Variants in KCNQ2 observed in about 807,000 individuals in gnomAD.
KCNQ2 encodes potassium voltage-gated channel subfamily KQT member 2.
In KCNQ2, 14 loss-of-function variants were observed where a neutral mutation model predicts 84.8. The observed-to-expected ratio is 0.17, with a 90% CI of 0.11 to 0.26. The LOEUF is 0.26. KCNQ2 is among the 10% of genes least tolerant of loss of function. KCNQ2 has a pLI of 1.00. For synonymous variants in KCNQ2, 599 were observed against 554.1 expected, an observed-to-expected ratio of 1.08 and a Z score of -1.14; for missense variants, 788 against 1,254.0, an observed-to-expected ratio of 0.63 and a Z score of 5.61.
At chr20:63,461,902 G>C (rs1183934404) in intron 1 of KCNQ2, among the ~76,000 whole-genome samples, 2 of 138,956 alleles carry the variant, frequency 1.4e-5, no homozygotes, top group Non-Finnish European at 3.1e-5. Context: ...ACCTACCCCA[G>C]GGAGCAGGGA....
At chr20:63,420,286 C>T (rs1416273311) in intron 11 of KCNQ2, among the ~76,000 whole-genome samples, 2 of 152,208 alleles carry the variant, frequency 1.3e-5, no homozygotes, top group South Asian at 2.1e-4. Flanking sequence ...CCTTCAGGAG[C>T]GCAGCTCCCC....
chr20:63,413,407 C>G (rs2080183427), intron 15 of KCNQ2, 43 bp downstream of exon 15: 1 of 1,611,140 alleles, frequency 6.2e-7, no homozygotes, highest in Admixed American at 1.7e-5. Context: ...CAGAAGCCCA[C>G]CCCGTTCTTG....
chr20:63,409,637 C>A (rs892830388), intron 15 of KCNQ2, among the ~76,000 whole-genome samples: 2 of 152,240 alleles, frequency 1.3e-5, no homozygotes, highest in Non-Finnish European at 2.9e-5. Flanking sequence ...GCCACAAGCT[C>A]CCAAGTCTCC....
intron 1 of KCNQ2, among the ~76,000 whole-genome samples, chr20:63,453,173 G>A (rs2081664437): frequency 6.6e-6 from 1 of 152,146 alleles, no homozygotes; most frequent in Non-Finnish European, 1.5e-5. Flanking sequence ...GGGCACCCCA[G>A]GAGACACCAG....
chr20:63,455,256 C>T (rs566378674), intron 1 of KCNQ2, among the ~76,000 whole-genome samples: 2 of 152,330 alleles, frequency 1.3e-5, no homozygotes, highest in East Asian at 3.9e-4. Flanking sequence ...ACTTCCGGAG[C>T]TTCCCTGGCA....
chr20:63,405,859 T>C lies in KCNQ2; in HGVS notation c.*785A>G, dbSNP rs1486331600. On this transcript the variant is annotated 3_prime_UTR_variant, in exon 17 of 17. Transcript: ENST00000359125. ...AAGGACCCCCTTTTTGAAGACCCTT[T>C]GGAGCCGGCTCCCTGGCCCCACCGT... 1.3e-5 allele frequency: 2 copies of C among 152,232 alleles called. No homozygotes were observed. Among genetic ancestry groups the C allele is most frequent in the African/African-American group, 4.8e-5 (2 of 41,436 alleles). The allele number at this position is 152,232 out of a possible 1,614,324, so 9.4% of individuals were successfully genotyped here. A position where few individuals can be genotyped will look rare whatever the true frequency, so the allele number is the denominator to read the frequency against.
intron 1 of KCNQ2, among the ~76,000 whole-genome samples, chr20:63,461,531 G>A (rs2081946237): frequency 6.6e-6 from 1 of 152,218 alleles, no homozygotes; most frequent in Admixed American, 6.5e-5. Flanking sequence ...CCCACGAGGA[G>A]CCGCAACTGC....
At chr20:63,423,959 A>C in intron 11 of KCNQ2, 3 of 589,458 alleles carry the variant, frequency 5.1e-6, no homozygotes, top group Non-Finnish European at 9.4e-6. Flanking sequence ...ACAGTGCTGC[A>C]AAGTAAAACC....
At chr20:63,449,299 G>C (rs903892881) in intron 1 of KCNQ2, 1 of 152,306 alleles carries the variant, frequency 6.6e-6, no homozygotes, top group Non-Finnish European at 1.5e-5. Context: ...GCAAATAAAA[G>C]ACCATGACCT....
intron 1 of KCNQ2, among the ~76,000 whole-genome samples, chr20:63,448,738 G>A (rs1453025704): frequency 6.6e-6 from 1 of 152,164 alleles, no homozygotes; most frequent in Non-Finnish European, 1.5e-5. Flanking sequence ...CCGAGACTGG[G>A]CACAGGCACG....
rs1190299058 is a variant in KCNQ2 at position 63,428,397 on chromosome 20, T to C, written c.1187A>G (p.Asn396Ser). 5.0e-6 allele frequency: 8 copies of C among 1,585,184 alleles called. No homozygotes were observed. The highest frequency in any genetic ancestry group is 6.9e-6 in the Non-Finnish European group (8 of 1,166,136). ...PPLNQLELLR[N>S]LKSKSGLAFR... ...AGCGAGTCCAGATTTACTCTTGAGG[T>C]TCCTCAGCAGCTCCAGCTGGTTCAG... Residue 396 changes from asparagine (N) to serine (S), a missense_variant, in exon 10 of 17, where the codon AAC becomes AGC. Asn to Ser is a conservative substitution (Grantham distance 46). This residue lies in a region of KCNQ2 where 202 missense variants were observed against 239.4 expected (regional missense o/e 0.84). Coordinates refer to ENST00000359125, the MANE Select transcript of KCNQ2 (RefSeq NM_172107.4).
At chr20:63,462,758 G>A (rs1428873169) in intron 1 of KCNQ2, among the ~76,000 whole-genome samples, 4 of 152,188 alleles carry the variant, frequency 2.6e-5, no homozygotes, top group Non-Finnish European at 5.9e-5. Flanking sequence ...CTGCTTCAAG[G>A]TCCATCACTG....
intron 15 of KCNQ2, among the ~76,000 whole-genome samples, chr20:63,410,670 A>T (rs1027782062): frequency 3.3e-5 from 5 of 152,306 alleles, no homozygotes; most frequent in African/African-American, 1.2e-4. Context: ...CTCCGTTCTC[A>T]CGGGAGGAGC....
chr20:63,463,842 C>T (rs1217191325), intron 1 of KCNQ2: 1 of 152,108 alleles, frequency 6.6e-6, no homozygotes, highest in Non-Finnish European at 1.5e-5. Context: ...TGCCTCCACG[C>T]CACAGATACA....
intron 1 of KCNQ2, among the ~76,000 whole-genome samples, chr20:63,451,468 C>T (rs77632744): frequency 1.3e-5 from 2 of 152,138 alleles, no homozygotes; most frequent in African/African-American, 2.4e-5. Flanking sequence ...CTAGGGAGAA[C>T]CTGCCTGCTT....
At chr20:63,426,244 G>A (rs552050429) in intron 10 of KCNQ2, among the ~76,000 whole-genome samples, 33 of 152,312 alleles carry the variant, frequency 2.2e-4, no homozygotes, top group African/African-American at 6.7e-4. Flanking sequence ...AGGCCGCAAC[G>A]CCGTTAGACA....
At position 63,412,190 on chromosome 20, in the gene KCNQ2, C is replaced by G. The variant is rs536306760; in HGVS notation, c.1763+1260G>C. On this transcript the variant is annotated intron_variant, in intron 15 of 16. Coordinates refer to ENST00000359125, the MANE Select transcript of KCNQ2 (RefSeq NM_172107.4). ...GCAGCAGGAGCCGGTACCAGACAGG[C>G]CGCGGCGGGGCAACGGGAAACGCAT... The G allele has an allele frequency of 1.3e-4, 41 of 315,408 alleles. No homozygotes were observed. In the South Asian group the frequency reaches 1.9e-3, roughly 14 times the overall value. 19.5% of individuals were successfully genotyped at this position (315,408 alleles called of 1,614,324 possible).
intron 1 of KCNQ2, among the ~76,000 whole-genome samples, chr20:63,449,484 G>A (rs1224104580): frequency 2.6e-5 from 4 of 152,218 alleles, no homozygotes; most frequent in African/African-American, 7.2e-5. Context: ...CTCGATGTGC[G>A]GAGCTATTTA....
chr20:63,451,376 G>T (rs546012539), intron 1 of KCNQ2, among the ~76,000 whole-genome samples: 1 of 152,054 alleles, frequency 6.6e-6, no homozygotes, highest in South Asian at 2.1e-4. Flanking sequence ...AGTGGAATTT[G>T]ACCAGATGAG....
Sources: gnomAD v4.1 joint callset for allele counts (sites outside exome capture counted in the v4.1 genomes callset) on GRCh38, gnomAD v4.1.1 for gene constraint, gnomAD v4.1.1 regional missense constraint, MANE v1.5 for transcripts, NCBI Gene and HGNC (gene_info 2026-07-23, HGNC 2026-07-21) for gene names.